BBX: variants seen among roughly 807,000 people sequenced by gnomAD.
BBX encodes BBX high mobility group box domain containing, also known as HMG box transcription factor BBX.
A neutral mutation model predicts 100.2 loss-of-function variants in BBX; 30 were observed. The observed-to-expected ratio is 0.30, with a 90% CI of 0.22 to 0.41. The LOEUF (loss-of-function observed/expected upper bound fraction) is 0.41, where lower values mean the gene tolerates loss of function less well. Among genes scored for constraint, BBX ranks in the 10% least tolerant of loss-of-function variants. The pLI, the probability that BBX is intolerant of heterozygous loss-of-function variation, is 1.00. For synonymous variants in BBX, 376 were observed against 388.1 expected (o/e 0.97, Z 0.37); for missense variants, 1,023 against 1,129.8 (o/e 0.91, Z 1.35).
At chr3:107,805,263 C>A in intron 17 of BBX, 107 bp from the exon 18 acceptor site, 2 of 1,115,466 alleles carry the variant, frequency 1.8e-6, no homozygotes, top group Non-Finnish European at 2.5e-6. Context: ...TAAGTAACAG[C>A]AGTAACTGTT....
Position 107,791,198 on chromosome 3 carries a change from G to C in BBX, c.2294-42G>C, listed in dbSNP as rs750062202. 4 of 1,553,674 alleles carry C rather than the reference G, an allele frequency of 2.6e-6. No homozygotes were observed. The East Asian group carries it at 9.0e-5, about 35-fold the overall frequency. ...TTGTAGTATGGGGAATCTACTAAGA[G>C]TAGAGTTTCACTTTTCTTTCCTTTT... On this transcript the variant is annotated intron_variant, in intron 14 of 17. Transcript: ENST00000325805.
At chr3:107,619,957 A>G (rs2055616139) in intron 2 of BBX, among the ~76,000 whole-genome samples, 2 of 152,140 alleles carry the variant, frequency 1.3e-5, no homozygotes. Flanking sequence ...GTTTTCAGCC[A>G]TTATTTGAGT....
chr3:107,795,613 C>CTTTTTTTTTTTT lies in BBX; in HGVS notation c.2354-2896_2354-2885dup, dbSNP rs1158136233. On this transcript the variant is annotated intron_variant, in intron 15 of 17. Coordinates refer to ENST00000325805, the MANE Select transcript of BBX (RefSeq NM_001142568.3). The stretch of plus-strand genomic sequence containing the variant: ...AACTTATGAGAACCTCCGACGTAGT[C>CTTTTTTTTTTTT]TTTTTTTTTTTTTTTTTTTTTTTTT... 6.7e-5 allele frequency among the ~76,000 whole-genome samples: 4 copies of CTTTTTTTTTTTT among 60,034 alleles called. 1 individual carries two copies. Among genetic ancestry groups the CTTTTTTTTTTTT allele is most frequent in the Non-Finnish European group, 9.1e-5 (3 of 32,876 alleles). 39.4% of individuals were successfully genotyped at this position (60,034 alleles called of 152,430 possible).
At chr3:107,774,942 G>A (rs1272098981) in intron 12 of BBX, 85 bp downstream of exon 12, 9 of 1,478,048 alleles carry the variant, frequency 6.1e-6, no homozygotes, top group Middle Eastern at 2.1e-4. Flanking sequence ...CACTAACTAC[G>A]CATGCTTGTT....
chr3:107,751,775 G>T (rs2065098755), intron 9 of BBX, among the ~76,000 whole-genome samples: 1 of 152,112 alleles, frequency 6.6e-6, no homozygotes, highest in Non-Finnish European at 1.5e-5. Flanking sequence ...CCCAATTTCA[G>T]CCTGTCTCCC....
intron 13 of BBX, among the ~76,000 whole-genome samples, chr3:107,787,626 A>G (rs2068574893): frequency 6.6e-6 from 1 of 152,188 alleles, no homozygotes. Flanking sequence ...GGTGAATTGT[A>G]TGGTATGTTA....
intron 3 of BBX, among the ~76,000 whole-genome samples, chr3:107,671,758 G>A (rs1222435544): frequency 1.3e-5 from 2 of 152,068 alleles, no homozygotes; most frequent in African/African-American, 2.4e-5. Flanking sequence ...GACCATTGCT[G>A]TAAATATGTA....
rs1163318548 is a variant in BBX, at chr3:107,562,516, G to C, written c.-84+36118G>C. Among the ~76,000 whole-genome samples, 6 of 151,946 alleles carry C rather than the reference G, an allele frequency of 3.9e-5. 1 individual carries two copies. Among genetic ancestry groups the C allele is most frequent in the African/African-American group, 1.5e-4 (6 of 41,374 alleles). Reference sequence around the variant, plus strand: ...CTCATTTTATGTAGTAATTCATTTAGTTTTGACAGGTTAACTGAATGGAAT... The same window carrying C: ...CTCATTTTATGTAGTAATTCATTTACTTTTGACAGGTTAACTGAATGGAAT... On this transcript the variant is annotated intron_variant, in intron 2 of 17. Transcript: ENST00000325805.
intron 2 of BBX, among the ~76,000 whole-genome samples, chr3:107,560,165 T>TA (rs1039178240): frequency 7.9e-5 from 12 of 152,074 alleles, no homozygotes; most frequent in African/African-American, 2.9e-4. Flanking sequence ...TTAAAAGCCT[T>TA]ACTACTTTCT....
chr3:107,548,774 G>A (rs1443491903), intron 2 of BBX, among the ~76,000 whole-genome samples: 3 of 152,208 alleles, frequency 2.0e-5, no homozygotes, highest in Non-Finnish European at 4.4e-5. Context: ...TACAGCAAAT[G>A]TAGTACATAT....
chr3:107,773,386 C>T lies in BBX; in HGVS notation c.1665C>T (p.Phe555=), dbSNP rs2067063296. ...DTTKESRPPD[F]ISISASKNIS... is the part of the protein sequence containing the mutation. ...CCAAAGAGTCAAGACCTCCAGATTT[C>T]ATTAGTATTTCTGCTAGCAAGAACA... Residue 555 remains phenylalanine, a synonymous_variant, in exon 11 of 18, where the codon TTC becomes TTT. Transcript: ENST00000325805. The surrounding 1 kb of genome is among the most constrained non-coding windows in gnomAD (Gnocchi z 4.1). 1 of 1,614,108 alleles carries T rather than the reference C, an allele frequency of 6.2e-7. No homozygotes were observed. Among genetic ancestry groups the T allele is most frequent in the Non-Finnish European group, 8.5e-7 (1 of 1,179,992 alleles).
At chr3:107,661,814 T>G in intron 3 of BBX, 1 of 929,466 alleles carries the variant, frequency 1.1e-6, no homozygotes, top group Non-Finnish European at 1.3e-6. Context: ...GTCTCTGTGT[T>G]TTTCTTGTCC....
chr3:107,637,739 A>G (rs1022664342), intron 2 of BBX, among the ~76,000 whole-genome samples: 49 of 152,336 alleles, frequency 3.2e-4, no homozygotes, highest in African/African-American at 1.1e-3. Flanking sequence ...CAGCTCTATC[A>G]TAAACCAGCT....
intron 15 of BBX, among the ~76,000 whole-genome samples, chr3:107,796,995 T>C (rs1036751388): frequency 3.3e-5 from 5 of 152,140 alleles, no homozygotes; most frequent in Non-Finnish European, 7.4e-5. Flanking sequence ...TGTTATGCAA[T>C]ATTGAGGTAA....
At chr3:107,621,685 C>T (rs1188873342) in intron 2 of BBX, among the ~76,000 whole-genome samples, 1 of 152,124 alleles carries the variant, frequency 6.6e-6, no homozygotes, top group African/African-American at 2.4e-5. Context: ...GATTTTCTTT[C>T]CATGTGCTAT....
intron 2 of BBX, among the ~76,000 whole-genome samples, chr3:107,588,338 G>T (rs997853236): frequency 6.8e-6 from 1 of 147,378 alleles, no homozygotes; most frequent in Admixed American, 6.7e-5. Flanking sequence ...ACAAAGTAAG[G>T]GGGGGCCTGG....
intron 2 of BBX, among the ~76,000 whole-genome samples, chr3:107,575,707 T>G (rs936819288): frequency 6.6e-6 from 1 of 152,222 alleles, no homozygotes. Flanking sequence ...ATACCAGACA[T>G]TCTACTCATT....
At chr3:107,733,812 C>G (rs1374035494) in intron 7 of BBX, among the ~76,000 whole-genome samples, 1 of 152,108 alleles carries the variant, frequency 6.6e-6, no homozygotes, top group Non-Finnish European at 1.5e-5. Flanking sequence ...CTTTCATGAC[C>G]TTGGTTTCAT....
At position 107,656,004 on chromosome 3, in the gene BBX, G is replaced by A. The variant is rs189140810; in HGVS notation, c.-10+10095G>A. On this transcript the variant is annotated intron_variant, in intron 3 of 17. Coordinates refer to ENST00000325805, the MANE Select transcript of BBX (RefSeq NM_001142568.3). The stretch of plus-strand genomic sequence containing the variant: ...CGTGAGCCACCATGTCCAGCTAAGT[G>A]CTATTTTTTAAAAATATTACACACT... Among the ~76,000 whole-genome samples, 1,276 of 152,072 alleles carry A rather than the reference G, an allele frequency of 8.4e-3. 6 individuals are homozygous for A. The highest frequency in any genetic ancestry group is 0.015 in the Non-Finnish European group (1,048 of 67,978).
Sources: allele counts gnomAD v4.1 joint callset (sites outside exome capture counted in the v4.1 genomes callset), GRCh38; gene constraint gnomAD v4.1.1; non-coding constraint Gnocchi (gnomAD v3.1); transcripts MANE v1.5; gene names NCBI Gene and HGNC (gene_info 2026-07-23, HGNC 2026-07-21).